The following SPATA9 variants were observed in gnomAD, a reference collection of about 807,000 sequenced individuals.
The protein encoded by SPATA9 is spermatogenesis-associated protein 9.
A neutral mutation model predicts 25.5 loss-of-function variants in SPATA9; 27 were observed. That is an observed-to-expected ratio of 1.06 (90% CI 0.78 to 1.46). SPATA9 has a LOEUF of 1.46. Among genes scored for constraint, SPATA9 ranks in the 40% most tolerant of loss-of-function variants. The pLI, the probability that SPATA9 is intolerant of heterozygous loss-of-function variation, is 0.00. For synonymous variants in SPATA9, 102 were observed against 105.7 expected, an observed-to-expected ratio of 0.97 and a Z score of 0.21; for missense variants, 282 against 297.5, an observed-to-expected ratio of 0.95 and a Z score of 0.38.
the SPATA9 span, among the ~76,000 whole-genome samples, chr5:95,720,493 T>C: frequency 6.6e-6 from 1 of 152,236 alleles, no homozygotes; most frequent in African/African-American, 2.4e-5. Context: ...GAGTCTAGCA[T>C]GGAGAGTTAC....
At chr5:95,664,472 A>G (rs796241957) in intron 3 of SPATA9, among the ~76,000 whole-genome samples, 21 of 152,350 alleles carry the variant, frequency 1.4e-4, no homozygotes, top group African/African-American at 5.1e-4. Flanking sequence ...CTGCTTGGAA[A>G]TGTTAATCAT....
At chr5:95,714,736 CAA>C in the SPATA9 span, among the ~76,000 whole-genome samples, 6,470 of 137,988 alleles carry the variant, frequency 0.047, 234 homozygotes, top group African/African-American at 0.1. Context: ...AAATCAATTT[CAA>C]AAAAAAAAAA....
upstream of SPATA9, among the ~76,000 whole-genome samples, chr5:95,699,725 C>T (rs545074957): frequency 7.2e-5 from 11 of 152,246 alleles, no homozygotes; most frequent in East Asian, 9.7e-4. Context: ...GGGAGAAATA[C>T]GGAAATTGCC....
the SPATA9 span, among the ~76,000 whole-genome samples, chr5:95,705,149 G>A: frequency 6.6e-6 from 1 of 151,742 alleles, no homozygotes; most frequent in Non-Finnish European, 1.5e-5. Flanking sequence ...CGTATTTTTT[G>A]TAGAGATAGA....
the SPATA9 span, among the ~76,000 whole-genome samples, chr5:95,729,957 C>T: frequency 6.6e-6 from 1 of 151,992 alleles, no homozygotes; most frequent in Non-Finnish European, 1.5e-5. Context: ...CCGGAAAAGA[C>T]TGATGAGAAA....
the SPATA9 span, among the ~76,000 whole-genome samples, chr5:95,730,402 G>A: frequency 6.6e-6 from 1 of 152,166 alleles, no homozygotes; most frequent in South Asian, 2.1e-4. Context: ...GTAATCCCTG[G>A]CCCATTTTGG....
intron 4 of SPATA9, among the ~76,000 whole-genome samples, 181 bp from the exon 5 acceptor site, chr5:95,659,094 ATACAT>A (rs1202242252): frequency 1.3e-5 from 2 of 152,204 alleles, no homozygotes; most frequent in Non-Finnish European, 2.9e-5. Flanking sequence ...GTTCTAAATA[ATACAT>A]TACAATCTAG....
At chr5:95,684,953 CTTTTG>C (rs1294854260), upstream of SPATA9, among the ~76,000 whole-genome samples, 4 of 152,124 alleles carry the variant, frequency 2.6e-5, no homozygotes, top group African/African-American at 7.2e-5. Context: ...AAGAACAGAA[CTTTTG>C]TTTTGCACAC....
At chr5:95,703,002 G>T (rs1317974148), upstream of SPATA9, among the ~76,000 whole-genome samples, 1 of 152,188 alleles carries the variant, frequency 6.6e-6, no homozygotes, top group African/African-American at 2.4e-5. Context: ...AGTACCATTT[G>T]CATTAAATCT....
chr5:95,700,072 A>G (rs1754138559), upstream of SPATA9, among the ~76,000 whole-genome samples: 1 of 151,806 alleles, frequency 6.6e-6, no homozygotes, highest in Non-Finnish European at 1.5e-5. Context: ...AACTTATGAA[A>G]ATATTAACAG....
At chr5:95,721,097 G>A in the SPATA9 span, among the ~76,000 whole-genome samples, 1 of 152,188 alleles carries the variant, frequency 6.6e-6, no homozygotes, top group Non-Finnish European at 1.5e-5. Flanking sequence ...GATACACTAT[G>A]ACTTAAAGGC....
intron 1 of SPATA9, among the ~76,000 whole-genome samples, chr5:95,694,521 C>T (rs763614694): frequency 6.6e-6 from 1 of 152,088 alleles, no homozygotes; most frequent in South Asian, 2.1e-4. Flanking sequence ...AGGATGCATC[C>T]CACCCTTTCT....
At chr5:95,705,541 T>G in the SPATA9 span, among the ~76,000 whole-genome samples, 1 of 152,214 alleles carries the variant, frequency 6.6e-6, no homozygotes, top group African/African-American at 2.4e-5. Flanking sequence ...ATTAAAATTT[T>G]TCTTTAAAAA....
the SPATA9 span, chr5:95,730,931 A>G: frequency 1.3e-5 from 6 of 461,082 alleles, no homozygotes; most frequent in African/African-American, 1.2e-4. Flanking sequence ...AGAGGGGGGG[A>G]AATCGGGTTG....
intron 4 of SPATA9, 125 bp from the exon 5 acceptor site, chr5:95,659,038 C>A: frequency 8.4e-7 from 1 of 1,192,452 alleles, no homozygotes; most frequent in Admixed American, 2.9e-5. Flanking sequence ...AAAAACACTT[C>A]TTTTCAGGAC....
intron 1 of SPATA9, among the ~76,000 whole-genome samples, chr5:95,688,442 G>C (rs943780474): frequency 2.6e-5 from 4 of 152,092 alleles, no homozygotes; most frequent in African/African-American, 9.7e-5. Context: ...TATAGAGATG[G>C]GGTCTGGCTA....
chr5:95,727,178 T>C, the SPATA9 span, among the ~76,000 whole-genome samples: 2 of 152,244 alleles, frequency 1.3e-5, no homozygotes, highest in African/African-American at 4.8e-5. Context: ...ACTGCTCTGA[T>C]TGGCTTTAAG....
the SPATA9 span, among the ~76,000 whole-genome samples, chr5:95,713,148 A>C: frequency 6.6e-6 from 1 of 152,204 alleles, no homozygotes; most frequent in South Asian, 2.1e-4. Context: ...AGCAAAAACA[A>C]AAACCCATGT....
At position 95,675,411 on chromosome 5, in the gene SPATA9, C is replaced by T; in HGVS notation, c.378+1G>A. The T allele has an allele frequency of 6.2e-7, 1 of 1,611,178 alleles. No individual in the cohort carries two copies. ...ATTGTGCATATGCAGTATTCCCTTA[C>T]CTGAATGTTATATAGGGGTTGCCTC... is the stretch of plus-strand genomic sequence containing the variant. On this transcript the variant is annotated splice_donor_variant, in intron 3 of 4. Transcript: ENST00000274432. LOFTEE classifies it high-confidence loss of function.
Sources: gnomAD v4.1 joint callset for allele counts (sites outside exome capture counted in the v4.1 genomes callset) on GRCh38, gnomAD v4.1.1 for gene constraint, MANE v1.5 for transcripts, NCBI Gene and HGNC (gene_info 2026-07-23, HGNC 2026-07-21) for gene names.